Variants in DHX8 observed in about 807,000 individuals in gnomAD.
The protein encoded by DHX8 is ATP-dependent RNA helicase DHX8.
A neutral mutation model predicts 140.7 loss-of-function variants in DHX8; 67 were observed. The observed-to-expected ratio is 0.48, with a 90% CI of 0.39 to 0.58. The LOEUF is 0.58. Among genes scored for constraint, DHX8 ranks in the 20% least tolerant of loss-of-function variants. The pLI, the probability that DHX8 is intolerant of heterozygous loss-of-function variation, is 0.00. For missense variants in DHX8, 887 were observed against 1,550.7 expected (o/e 0.57, Z 7.19); for synonymous variants, 533 against 553.2 (o/e 0.96, Z 0.51).
At position 43,525,401 on chromosome 17, in the gene DHX8, G is replaced by A. The variant is rs867440639; in HGVS notation, c.*1554G>A. The A allele has an allele frequency of 2.5e-5, 25 of 981,424 alleles. No homozygotes were observed. Among genetic ancestry groups the A allele is most frequent in the Non-Finnish European group, 3.0e-5 (25 of 826,366 alleles). 60.8% of individuals were successfully genotyped at this position (981,424 alleles called of 1,614,324 possible). On this transcript the variant is annotated 3_prime_UTR_variant, in exon 23 of 23. Transcript: ENST00000262415. The stretch of plus-strand genomic sequence containing the variant: ...CCTAAAGACAATTCAGAAAGAGTCC[G>A]AGGGAGAGGAATATAGGCCAGGCAA...
chr17:43,529,521 G>A, downstream of DHX8: 1 of 1,612,958 alleles, frequency 6.2e-7, no homozygotes. Context: ...GGCTCAATGA[G>A]CTTGAACTCC....
In DHX8 at chr17:43,492,699, G is replaced by A. The variant is rs773765338; in HGVS notation, c.522G>A (p.Lys174=). Residue 174 remains lysine, a synonymous_variant, in exon 6 of 23, where the codon AAG becomes AAA. Transcript: ENST00000262415. ...TTGTTAGGGACAGGACAAAGAAGAA[G>A]AAGCGGAGTCGAAGCCGAGATCGAA... The part of the protein sequence containing the change: ...DAEHRDRTKK[K]KRSRSRDRNR... The A allele has an allele frequency of 6.4e-7, 1 of 1,574,740 alleles. No homozygotes were observed. Among genetic ancestry groups the A allele is most frequent in the Non-Finnish European group, 8.7e-7 (1 of 1,144,154 alleles).
chr17:43,505,504 G>A (rs543172905), intron 12 of DHX8, among the ~76,000 whole-genome samples: 6 of 152,116 alleles, frequency 3.9e-5, no homozygotes, highest in East Asian at 1.9e-4. Context: ...GAGAGGTCGC[G>A]GCTACAGTGA....
At chr17:43,543,795 A>T (rs1337047229) in intron 3 of DHX8, 1 of 152,234 alleles carries the variant, frequency 6.6e-6, no homozygotes, top group African/African-American at 2.4e-5. Context: ...TTATTTCCAC[A>T]AAATGTCTTG....
downstream of DHX8, chr17:43,529,489 A>G: frequency 6.3e-7 from 1 of 1,597,190 alleles, no homozygotes; most frequent in Non-Finnish European, 8.5e-7. Context: ...GGCTGGGAAC[A>G]TCCGAGAGGC....
intron 22 of DHX8, 130 bp downstream of exon 22, chr17:43,522,356 A>G: frequency 1.1e-6 from 1 of 890,858 alleles, no homozygotes; most frequent in Non-Finnish European, 1.7e-6. Flanking sequence ...GCCTTTCTAG[A>G]GCAGCAGAAA....
intron 2 of DHX8, among the ~76,000 whole-genome samples, chr17:43,532,282 T>A (rs1043188849): frequency 2.6e-5 from 4 of 152,176 alleles, no homozygotes; most frequent in African/African-American, 9.7e-5. Context: ...ATGGATCATA[T>A]GAAGTCAGGA....
chr17:43,487,562 C>T (rs1232347741), intron 1 of DHX8, among the ~76,000 whole-genome samples: 1 of 152,194 alleles, frequency 6.6e-6, no homozygotes, highest in East Asian at 1.9e-4. Flanking sequence ...CCATGTTGCC[C>T]AGGCTGGTCT....
chr17:43,485,305 G>C (rs924938399), intron 1 of DHX8, among the ~76,000 whole-genome samples: 3 of 152,154 alleles, frequency 2.0e-5, no homozygotes, highest in Non-Finnish European at 2.9e-5. Context: ...GGTGACAGGA[G>C]GGGTTAGGGA....
chr17:43,532,501 A>G (rs1245681039), intron 2 of DHX8, among the ~76,000 whole-genome samples: 1 of 152,178 alleles, frequency 6.6e-6, no homozygotes, highest in Non-Finnish European at 1.5e-5. Flanking sequence ...CATTTCAAAA[A>G]AAAAAAGAAA....
chr17:43,516,714 G>A lies in DHX8; in HGVS notation c.2644-453G>A, dbSNP rs575289683. On this transcript the variant is annotated intron_variant, in intron 17 of 22. Transcript: ENST00000262415. ...TCTGCCCACCTTGGCCTCCCAAAGT[G>A]CTGGGATTATAGGCATAAGCCACGA... 3.9e-5 allele frequency among the ~76,000 whole-genome samples: 6 copies of A among 152,254 alleles called. No individual in the cohort carries two copies. In the East Asian group the frequency reaches 1.2e-3, roughly 29 times the overall value.
chr17:43,532,448 G>A (rs1970991853), intron 2 of DHX8, among the ~76,000 whole-genome samples: 1 of 151,852 alleles, frequency 6.6e-6, no homozygotes, highest in Admixed American at 6.6e-5. Context: ...GCAGTGAGCA[G>A]AGATCGTGCC....
chr17:43,534,902 T>C (rs1487806837), intron 2 of DHX8, among the ~76,000 whole-genome samples: 2 of 151,726 alleles, frequency 1.3e-5, no homozygotes, highest in Non-Finnish European at 2.9e-5. Context: ...GATCACACCA[T>C]TGCACTCCAG....
intron 17 of DHX8, among the ~76,000 whole-genome samples, chr17:43,515,161 TTAAG>T (rs1479794078): frequency 5.9e-5 from 9 of 152,330 alleles, no homozygotes; most frequent in Middle Eastern, 3.4e-3. Flanking sequence ...ATTTTGAAAC[TTAAG>T]TAATAATAAT....
intron 3 of DHX8, among the ~76,000 whole-genome samples, chr17:43,537,148 C>A (rs1971284417): frequency 6.6e-6 from 1 of 151,958 alleles, no homozygotes; most frequent in South Asian, 2.1e-4. Context: ...GGTGGATCAC[C>A]TGAGGTCCGG....
intron 11 of DHX8, among the ~76,000 whole-genome samples, chr17:43,501,843 G>A (rs575520195): frequency 6.6e-6 from 1 of 152,274 alleles, no homozygotes; most frequent in South Asian, 2.1e-4. Flanking sequence ...ATTTCCAAAG[G>A]ATGATTGAGG....
At chr17:43,488,708 G>A (rs1235233311) in intron 1 of DHX8, among the ~76,000 whole-genome samples, 1 of 152,140 alleles carries the variant, frequency 6.6e-6, no homozygotes, top group Non-Finnish European at 1.5e-5. Flanking sequence ...GCAGCTGCCT[G>A]GCCCTCATAT....
intron 14 of DHX8, 41 bp downstream of exon 14, chr17:43,507,729 G>T: frequency 2.5e-6 from 4 of 1,612,252 alleles, no homozygotes; most frequent in Non-Finnish European, 1.7e-6. Context: ...CCTGTTGGAA[G>T]CTGAATTCTG....
chr17:43,484,556 T>TCCG (rs1326775010), intron 1 of DHX8, among the ~76,000 whole-genome samples: 1 of 152,204 alleles, frequency 6.6e-6, no homozygotes, highest in Non-Finnish European at 1.5e-5. Flanking sequence ...GCTCAGCTCT[T>TCCG]TATTGACATT....
Sources: gnomAD v4.1 joint callset for allele counts (sites outside exome capture counted in the v4.1 genomes callset) on GRCh38, gnomAD v4.1.1 for gene constraint, MANE v1.5 for transcripts, NCBI Gene and HGNC (gene_info 2026-07-23, HGNC 2026-07-21) for gene names.